Variants in TRPM7 observed in about 807,000 individuals in gnomAD.
TRPM7 encodes the protein LTRPC ion channel family member 7.
A neutral mutation model predicts 229.7 loss-of-function variants in TRPM7; 134 were observed. The ratio of observed to expected loss-of-function variants is 0.58; its 90% confidence interval spans 0.51 to 0.67. The LOEUF is 0.67. Ranked by LOEUF, TRPM7 falls within the 30% of genes least tolerant of loss-of-function variation. TRPM7 has a pLI of 0.00. For missense variants in TRPM7, 1,901 were observed against 2,210.0 expected (o/e 0.86, Z 2.80); for synonymous variants, 699 against 715.2 (o/e 0.98, Z 0.36).
At chr15:50,585,051 T>A (rs1417930420) in intron 28 of TRPM7, among the ~76,000 whole-genome samples, 1 of 44,324 alleles carries the variant, frequency 2.3e-5, no homozygotes, top group Non-Finnish European at 4.4e-5. Flanking sequence ...AATTTTTGTA[T>A]TTTTTTTTTT....
chr15:50,612,233 G>A (rs1039936289), intron 16 of TRPM7, among the ~76,000 whole-genome samples: 1 of 152,172 alleles, frequency 6.6e-6, no homozygotes, highest in Admixed American at 6.5e-5. Context: ...TGGGACCACA[G>A]ACAAGTACCA....
chr15:50,574,755 T>C (rs773533963), intron 34 of TRPM7, 36 bp from the exon 35 acceptor site: 1 of 1,588,616 alleles, frequency 6.3e-7, no homozygotes, highest in East Asian at 2.2e-5. Flanking sequence ...CCTTGTTTAA[T>C]ATTTAAACTA....
In TRPM7 at chr15:50,657,816, G is replaced by A. The variant is rs748250645; in HGVS notation, c.87C>T (p.Cys29=). ...IIPSSKDPHR[C]LPGCQICQQL... is the part of the protein sequence containing the mutation. ...GCTGACAAATTTGACATCCTGGAAGGCATCTATTGAACACAAAAAGGTAAA... is the reference window on the plus strand; with the variant it reads ...GCTGACAAATTTGACATCCTGGAAGACATCTATTGAACACAAAAAGGTAAA... The change falls in exon 3 of 39, where the codon TGC becomes TGT. Residue 29 remains cysteine (C), a synonymous_variant. Coordinates refer to ENST00000646667, the MANE Select transcript of TRPM7 (RefSeq NM_017672.6). 6.2e-7 allele frequency: 1 copy of A among 1,610,474 alleles called. No homozygotes were observed. Among genetic ancestry groups the A allele is most frequent in the South Asian group, 1.1e-5 (1 of 90,518 alleles).
At chr15:50,584,563 T>TTCTC (rs2140319427) in intron 28 of TRPM7, among the ~76,000 whole-genome samples, 1 of 152,156 alleles carries the variant, frequency 6.6e-6, no homozygotes, top group East Asian at 1.9e-4. Flanking sequence ...GTTTGAGTAT[T>TTCTC]TCTAGTGATC....
intron 28 of TRPM7, among the ~76,000 whole-genome samples, chr15:50,584,619 T>TG (rs1039248399): frequency 4.0e-5 from 6 of 150,952 alleles, no homozygotes; most frequent in African/African-American, 1.5e-4. Context: ...GATTTCTGTT[T>TG]TTTTTTTTTT....
Position 50,574,832 on chromosome 15 carries a change from A to C in TRPM7, c.5019+20T>G. On this transcript the variant is annotated intron_variant, in intron 34 of 38. Coordinates refer to ENST00000646667, the MANE Select transcript of TRPM7 (RefSeq NM_017672.6). ...AAAGCTTAAATTATGTTCCACTATT[A>C]AATATTCACTGACACTTACTCTCAG... is the stretch of plus-strand genomic sequence containing the variant. The C allele has an allele frequency of 5.0e-6, 8 of 1,600,894 alleles. No individual in the cohort carries two copies. The highest frequency in any genetic ancestry group is 1.7e-5 in the Admixed American group (1 of 57,544).
intron 25 of TRPM7, among the ~76,000 whole-genome samples, 174 bp from the exon 26 acceptor site, chr15:50,592,800 T>A (rs1221857652): frequency 6.6e-6 from 1 of 152,186 alleles, no homozygotes; most frequent in East Asian, 1.9e-4. Flanking sequence ...TTAAGAAGGA[T>A]CCAGTGCTAA....
intron 36 of TRPM7, among the ~76,000 whole-genome samples, chr15:50,573,840 C>T (rs543949452): frequency 6.6e-6 from 1 of 152,208 alleles, no homozygotes; most frequent in African/African-American, 2.4e-5. Context: ...GCGGGCAGAT[C>T]ACAAGGTCAG....
rs201317742 is a variant in TRPM7 at position 50,592,400 on chromosome 15, T to C, written c.3835A>G (p.Ile1279Val). ...GAAGGTCTTACAGGACCATCATCAA[T>C]AAGGTTTTGAGCCAAGTGTTTGGAA... Reference protein sequence around the residue: ...SISKHLAQNLIDDGPVRPSVW... With the variant: ...SISKHLAQNLVDDGPVRPSVW... The change falls in exon 26 of 39, where the codon ATT becomes GTT. Residue 1279 changes from isoleucine to valine, a missense_variant. This residue lies in a region of TRPM7 where 533 missense variants were observed against 497.1 expected (regional missense o/e 1.07). Coordinates refer to ENST00000646667, the MANE Select transcript of TRPM7 (RefSeq NM_017672.6). 2.5e-6 allele frequency: 4 copies of C among 1,614,186 alleles called. No individual in the cohort carries two copies. In the Admixed American group the frequency reaches 5.0e-5, roughly 20 times the overall value.
At chr15:50,571,900 G>T (rs2053909666) in intron 36 of TRPM7, among the ~76,000 whole-genome samples, 1 of 152,208 alleles carries the variant, frequency 6.6e-6, no homozygotes, top group Non-Finnish European at 1.5e-5. Context: ...GTTTGAGAAG[G>T]TTCACTCCAA....
intron 1 of TRPM7, 82 bp downstream of exon 1, chr15:50,686,449 C>A: frequency 6.2e-7 from 1 of 1,611,270 alleles, no homozygotes; most frequent in Non-Finnish European, 8.5e-7. Context: ...CGCGGCTCCC[C>A]ACACACTTGC....
intron 1 of TRPM7, among the ~76,000 whole-genome samples, chr15:50,676,303 A>T (rs1208701231): frequency 6.6e-6 from 1 of 151,682 alleles, no homozygotes; most frequent in Admixed American, 6.6e-5. Flanking sequence ...TGGAAATCAA[A>T]TTTTTTTTTA....
chr15:50,621,131 G>C (rs1222587531), intron 12 of TRPM7, among the ~76,000 whole-genome samples: 4 of 125,362 alleles, frequency 3.2e-5, no homozygotes, highest in Non-Finnish European at 4.7e-5. Context: ...CTGCACTCCA[G>C]CCTGGGCAAC....
intron 3 of TRPM7, among the ~76,000 whole-genome samples, chr15:50,654,833 T>TAA (rs35864924): frequency 9.5e-5 from 14 of 147,318 alleles, no homozygotes; most frequent in Admixed American, 4.0e-4. Flanking sequence ...CCATCTCTAC[T>TAA]AAAAAAAACC....
chr15:50,576,993 T>C (rs1489843618), intron 31 of TRPM7, among the ~76,000 whole-genome samples: 1 of 151,916 alleles, frequency 6.6e-6, no homozygotes, highest in Admixed American at 6.6e-5. Flanking sequence ...CCACCTGTAG[T>C]CCTAGCCACT....
chr15:50,603,907 AAC>A (rs2059848595), intron 21 of TRPM7: 1 of 151,552 alleles, frequency 6.6e-6, no homozygotes, highest in Non-Finnish European at 1.5e-5. Context: ...GTCTGAAACA[AAC>A]ACATGTGTTC....
intron 27 of TRPM7, 46 bp downstream of exon 27, chr15:50,589,546 A>G (rs938333554): frequency 5.4e-6 from 7 of 1,303,952 alleles, no homozygotes; most frequent in Non-Finnish European, 7.6e-6. Flanking sequence ...ACATCAAGAC[A>G]GTAAAATAAA....
Position 50,634,366 on chromosome 15 carries a change from G to A in TRPM7, c.1007+16C>T, listed in dbSNP as rs759674494. The A allele has an allele frequency of 1.4e-6, 2 of 1,470,580 alleles. No homozygotes were observed. The highest frequency in any genetic ancestry group is 3.0e-5 in the South Asian group (2 of 66,458). The allele number at this position is 1,470,580 out of a possible 1,614,324, so 91.1% of individuals were successfully genotyped here. A position where few individuals can be genotyped will look rare whatever the true frequency, so the allele number is the denominator to read the frequency against. On this transcript the variant is annotated intron_variant, in intron 8 of 38. Transcript: ENST00000646667. Reference sequence around the variant, plus strand: ...ATAAATAAATAAAATTAATTAAAATGTTGTCATACACTTACCCTCCTTCTT... The same window carrying A: ...ATAAATAAATAAAATTAATTAAAATATTGTCATACACTTACCCTCCTTCTT...
chr15:50,646,837 T>C (rs1237715282), intron 4 of TRPM7, among the ~76,000 whole-genome samples: 1 of 152,198 alleles, frequency 6.6e-6, no homozygotes, highest in Middle Eastern at 3.2e-3. Flanking sequence ...TCTGTACCTT[T>C]TTCTTGTTTA....
Sources: gnomAD v4.1 joint callset for allele counts (sites outside exome capture counted in the v4.1 genomes callset) on GRCh38, gnomAD v4.1.1 for gene constraint, gnomAD v4.1.1 regional missense constraint, MANE v1.5 for transcripts, NCBI Gene and HGNC (gene_info 2026-07-23, HGNC 2026-07-21) for gene names.